The following FOXO3 variants were observed in gnomAD, a reference collection of about 807,000 sequenced individuals.
FOXO3 encodes the protein forkhead box protein O3.
A neutral mutation model predicts 41.9 loss-of-function variants in FOXO3; 4 were observed. The observed-to-expected ratio is 0.10, with a 90% CI of 0.05 to 0.22. The LOEUF (loss-of-function observed/expected upper bound fraction) is 0.22, where lower values mean the gene tolerates loss of function less well. Among genes scored for constraint, FOXO3 ranks in the 10% least tolerant of loss-of-function variants. The pLI is 1.00. For missense variants in FOXO3, 534 were observed against 906.8 expected, an observed-to-expected ratio of 0.59 and a Z score of 5.28; for synonymous variants, 318 against 389.3, an observed-to-expected ratio of 0.82 and a Z score of 2.16.
chr6:108,602,252 T>C (rs571314119), intron 1 of FOXO3, among the ~76,000 whole-genome samples: 1 of 152,136 alleles, frequency 6.6e-6, no homozygotes, highest in East Asian at 1.9e-4. Context: ...CTAGTCACTC[T>C]TTTTTTTCTT....
intron 1 of FOXO3, among the ~76,000 whole-genome samples, chr6:108,588,079 A>G (rs920473166): frequency 2.6e-5 from 4 of 151,384 alleles, no homozygotes; most frequent in African/African-American, 7.4e-5. Flanking sequence ...TTCAAAGGCA[A>G]CTTTAAGTTA....
chr6:108,674,704 G>T (rs1425544569), intron 2 of FOXO3, among the ~76,000 whole-genome samples: 2 of 152,126 alleles, frequency 1.3e-5, no homozygotes, highest in African/African-American at 2.4e-5. Context: ...CTGACCCATC[G>T]GACAAGCGGA....
intron 2 of FOXO3, among the ~76,000 whole-genome samples, chr6:108,676,470 G>T (rs1004247098): frequency 1.3e-5 from 2 of 152,104 alleles, no homozygotes; most frequent in Non-Finnish European, 2.9e-5. Context: ...TCCAACTCCT[G>T]GTCTCAAGGG....
At chr6:108,626,503 A>G (rs2128374473) in intron 1 of FOXO3, among the ~76,000 whole-genome samples, 1 of 152,290 alleles carries the variant, frequency 6.6e-6, no homozygotes, top group East Asian at 1.9e-4. Context: ...TTTTGAGATG[A>G]AGAACAACTA....
chr6:108,664,946 TG>T (rs775108357), intron 2 of FOXO3, 57 bp downstream of exon 2: 5 of 1,451,448 alleles, frequency 3.4e-6, no homozygotes, highest in South Asian at 1.3e-5. Context: ...GGGGGATCTC[TG>T]GGGGAGCCTG....
At chr6:108,584,115 G>A (rs1193525176) in intron 1 of FOXO3, among the ~76,000 whole-genome samples, 1 of 152,176 alleles carries the variant, frequency 6.6e-6, no homozygotes, top group East Asian at 1.9e-4. Flanking sequence ...CATTCCGCCG[G>A]CACGGTAATG....
chr6:108,646,002 C>G (rs1175916067), intron 1 of FOXO3, among the ~76,000 whole-genome samples: 1 of 152,050 alleles, frequency 6.6e-6, no homozygotes, highest in South Asian at 2.1e-4. Context: ...GTGAATTATT[C>G]TCATGTAAAA....
chr6:108,582,593 A>G (rs1457777341), intron 1 of FOXO3, among the ~76,000 whole-genome samples: 1 of 152,082 alleles, frequency 6.6e-6, no homozygotes, highest in Non-Finnish European at 1.5e-5. Flanking sequence ...GGTTTTTGTC[A>G]TGGAGATAGT....
intron 1 of FOXO3, among the ~76,000 whole-genome samples, chr6:108,600,724 C>A (rs1777028841): frequency 6.6e-6 from 1 of 152,114 alleles, no homozygotes; most frequent in Non-Finnish European, 1.5e-5. Flanking sequence ...ATCTGGTTTT[C>A]ACTTAAGCCT....
chr6:108,582,550 G>T (rs1003582593), intron 1 of FOXO3, among the ~76,000 whole-genome samples: 15 of 152,086 alleles, frequency 9.9e-5, no homozygotes, highest in Admixed American at 9.8e-4. Context: ...GTCAGATAAT[G>T]CATTTATTCT....
intron 2 of FOXO3, among the ~76,000 whole-genome samples, chr6:108,677,087 A>G (rs1034893381): frequency 1.2e-4 from 18 of 152,160 alleles, no homozygotes; most frequent in South Asian, 2.1e-4. Flanking sequence ...TCCTCTACCA[A>G]TTCAGCCTAT....
chr6:108,656,282 A>G (rs1778685565), intron 1 of FOXO3: 1 of 692,670 alleles, frequency 1.4e-6, no homozygotes. Context: ...TTGATACCAC[A>G]TGTTGCTTCC....
At chr6:108,573,337 A>G (rs1776163018) in intron 1 of FOXO3, among the ~76,000 whole-genome samples, 1 of 152,096 alleles carries the variant, frequency 6.6e-6, no homozygotes, top group African/African-American at 2.4e-5. Flanking sequence ...CTGCCATTTA[A>G]AAAGTTTCTA....
intron 1 of FOXO3, among the ~76,000 whole-genome samples, chr6:108,608,936 T>C (rs1363027790): frequency 6.6e-6 from 1 of 152,216 alleles, no homozygotes; most frequent in Non-Finnish European, 1.5e-5. Flanking sequence ...CAGTTAATGC[T>C]CAGCAGTATA....
chr6:108,580,702 C>T (rs1337550091), intron 1 of FOXO3, among the ~76,000 whole-genome samples: 1 of 152,070 alleles, frequency 6.6e-6, no homozygotes, highest in Non-Finnish European at 1.5e-5. Context: ...ATCATATTTC[C>T]CATTTTGGTT....
chr6:108,678,866 A>ATTTTTTTTT (rs1770724993), intron 2 of FOXO3, among the ~76,000 whole-genome samples: 4 of 70,646 alleles, frequency 5.7e-5, no homozygotes, highest in Non-Finnish European at 1.1e-4. Context: ...CATTTCTTAA[A>ATTTTTTTTT]TTCTTTTTTT....
intron 2 of FOXO3, among the ~76,000 whole-genome samples, chr6:108,668,972 C>T (rs1477529761): frequency 1.3e-5 from 2 of 151,948 alleles, no homozygotes; most frequent in African/African-American, 2.4e-5. Context: ...ATTAGCCGGG[C>T]GTGGTGGCGG....
At chr6:108,637,694 G>A (rs1778154649) in intron 1 of FOXO3, among the ~76,000 whole-genome samples, 1 of 151,894 alleles carries the variant, frequency 6.6e-6, no homozygotes, top group African/African-American at 2.4e-5. Context: ...AGTCAGCAGT[G>A]CATCCTCTCC....
Position 108,681,755 on chromosome 6 carries a change from G to C in FOXO3, c.*1963G>C, listed in dbSNP as rs13213342. On this transcript the variant is annotated 3_prime_UTR_variant, in exon 3 of 3. Transcript: ENST00000406360. ...TATAATCTTCATTTTTAAAGTATGTGTAATTTTTTTAAGTATGTATTCTAT... is the reference window on the plus strand; with the variant it reads ...TATAATCTTCATTTTTAAAGTATGTCTAATTTTTTTAAGTATGTATTCTAT... The C allele has an allele frequency of 2.6e-5, 4 of 152,380 alleles. No individual in the cohort carries two copies. Among genetic ancestry groups the C allele is most frequent in the Non-Finnish European group, 5.9e-5 (4 of 68,050 alleles). 9.4% of individuals were successfully genotyped at this position (152,380 alleles called of 1,614,324 possible).
Sources: gnomAD v4.1 joint callset for allele counts (sites outside exome capture counted in the v4.1 genomes callset) on GRCh38, gnomAD v4.1.1 for gene constraint, MANE v1.5 for transcripts, NCBI Gene and HGNC (gene_info 2026-07-23, HGNC 2026-07-21) for gene names.